The following ANKRD36 variants were observed in gnomAD, a reference collection of about 807,000 sequenced individuals.
ANKRD36 encodes the protein ankyrin repeat domain-containing protein 36A.
In ANKRD36, 179 loss-of-function variants were observed where a neutral mutation model predicts 278.1. That is an observed-to-expected ratio of 0.64 (90% CI 0.57 to 0.73). ANKRD36 has a LOEUF of 0.73. Among genes scored for constraint, ANKRD36 ranks in the 30% least tolerant of loss-of-function variants. The probability of loss-of-function intolerance (pLI) is 0.00; values close to 1 mark genes in which losing one functional copy is unlikely to be tolerated. For missense variants in ANKRD36, 1,159 were observed against 1,956.7 expected, an observed-to-expected ratio of 0.59 and a Z score of 7.69; for synonymous variants, 320 against 641.1, an observed-to-expected ratio of 0.50 and a Z score of 7.57.
In ANKRD36 at chr2:97,244,006, A is replaced by G; in HGVS notation, c.4468A>G (p.Thr1490Ala). ...ALKSAEVELK[T>A]GGNNSNQVSE... is the part of the protein sequence containing the mutation. ...CAAATCAGCAGAGGTGGAATTGAAG[A>G]CAGGAGGAAATAATTCAAATCAGGT... Residue 1490 changes from threonine (T) to alanine (A), a missense_variant, in exon 70 of 76, where the codon ACA (threonine) becomes GCA (alanine). Thr to Ala is a moderately conservative substitution (Grantham distance 58). Coordinates refer to ENST00000420699, the MANE Select transcript of ANKRD36 (RefSeq NM_001354587.1). 6.3e-7 allele frequency: 1 copy of G among 1,593,590 alleles called. No individual in the cohort carries two copies. The highest frequency in any genetic ancestry group is 8.5e-7 in the Non-Finnish European group (1 of 1,171,616).
At chr2:97,153,645 T>C (rs2046693289) in intron 14 of ANKRD36, among the ~76,000 whole-genome samples, 1 of 146,530 alleles carries the variant, frequency 6.8e-6, no homozygotes, top group Admixed American at 6.8e-5. Context: ...ATTCTGTCAT[T>C]GAGTGATTTT....
At chr2:97,207,739 A>G in intron 52 of ANKRD36, 72 bp from the exon 53 acceptor site, 2 of 1,540,228 alleles carry the variant, frequency 1.3e-6, no homozygotes, top group Middle Eastern at 2.3e-4. Context: ...GTTGATGCTA[A>G]CACTGTATGA....
chr2:97,117,247 TA>T (rs1307521646), intron 1 of ANKRD36, among the ~76,000 whole-genome samples: 2 of 152,010 alleles, frequency 1.3e-5, no homozygotes, highest in African/African-American at 4.8e-5. Flanking sequence ...TTCTTTGGAT[TA>T]TTTTTTTTTT....
chr2:97,145,082 AG>A (rs2043921722), intron 10 of ANKRD36, among the ~76,000 whole-genome samples: 1 of 152,022 alleles, frequency 6.6e-6, no homozygotes, highest in Non-Finnish European at 1.5e-5. Context: ...CTAAAACCAG[AG>A]GGAAGAAATG....
At chr2:97,199,594 A>C (rs909949506) in intron 44 of ANKRD36, among the ~76,000 whole-genome samples, 1 of 151,938 alleles carries the variant, frequency 6.6e-6, no homozygotes, top group Non-Finnish European at 1.5e-5. Context: ...TAATGCTTGT[A>C]GCCATTTTAC....
At chr2:97,180,849 A>G (rs1389423262) in intron 24 of ANKRD36, among the ~76,000 whole-genome samples, 1 of 151,710 alleles carries the variant, frequency 6.6e-6, no homozygotes, top group Non-Finnish European at 1.5e-5. Context: ...TTCTGAATGT[A>G]AAACTTATTA....
At chr2:97,188,991 G>T in intron 32 of ANKRD36, 96 bp from the exon 33 acceptor site, 2 of 623,032 alleles carry the variant, frequency 3.2e-6, no homozygotes, top group East Asian at 5.3e-5. Flanking sequence ...ACTAGTACAG[G>T]CAGAAGGATA....
chr2:97,187,364 A>G lies in ANKRD36; in HGVS notation c.2106A>G (p.Ile702Met). Residue 702 changes from isoleucine (I) to methionine (M), a missense_variant, in exon 32 of 76, where the codon ATA becomes ATG. Coordinates refer to ENST00000420699, the MANE Select transcript of ANKRD36 (RefSeq NM_001354587.1). The part of the protein sequence containing the change: ...TTDEEDSVSN[I>M]ATEIKDGEKS... ...ACGAGGAAGACTCTGTTTCGAATAT[A>G]GCCACAGAAATAAAGGATGGAGAAA... 3 of 1,609,028 alleles carry G rather than the reference A, an allele frequency of 1.9e-6. No individual in the cohort carries two copies. Among genetic ancestry groups the G allele is most frequent in the South Asian group, 2.2e-5 (2 of 90,366 alleles).
chr2:97,198,581 T>A lies in ANKRD36; in HGVS notation c.2683-5T>A. 2 of 1,549,402 alleles carry A rather than the reference T, an allele frequency of 1.3e-6. No homozygotes were observed. The highest frequency in any genetic ancestry group is 1.7e-6 in the Non-Finnish European group (2 of 1,146,570). On this transcript the variant is annotated splice_polypyrimidine_tract_variant and splice_region_variant and intron_variant, in intron 43 of 75. Coordinates refer to ENST00000420699, the MANE Select transcript of ANKRD36 (RefSeq NM_001354587.1). ...ATTTATTATTTCATTTCAAATTCCA[T>A]TCAGGCTTCAAGTGCCGAGAAAGAT...
intron 8 of ANKRD36, among the ~76,000 whole-genome samples, chr2:97,143,232 C>T (rs547431397): frequency 6.6e-6 from 1 of 151,798 alleles, no homozygotes; most frequent in South Asian, 2.1e-4. Context: ...AAACCATAAA[C>T]AATGTAGAAA....
intron 20 of ANKRD36, among the ~76,000 whole-genome samples, chr2:97,166,198 T>C (rs1352975274): frequency 1.3e-5 from 2 of 152,138 alleles, no homozygotes; most frequent in Admixed American, 6.6e-5. Flanking sequence ...GAAGAAAATA[T>C]GTAACATAGT....
intron 4 of ANKRD36, 142 bp downstream of exon 4, chr2:97,123,135 A>T: frequency 1.5e-6 from 1 of 679,464 alleles, no homozygotes; most frequent in Non-Finnish European, 2.3e-6. Flanking sequence ...AACACAGATC[A>T]TCACTTAGGT....
intron 52 of ANKRD36, among the ~76,000 whole-genome samples, chr2:97,206,528 C>T (rs977166536): frequency 3.3e-5 from 5 of 151,316 alleles, no homozygotes; most frequent in African/African-American, 7.3e-5. Flanking sequence ...TGTAATAACC[C>T]GTACACTCTG....
intron 50 of ANKRD36, 65 bp from the exon 51 acceptor site, chr2:97,205,875 T>G: frequency 2.7e-6 from 4 of 1,496,428 alleles, no homozygotes; most frequent in Non-Finnish European, 3.6e-6. Flanking sequence ...CTAACTCTGC[T>G]TGAATGTATG....
At chr2:97,217,112 A>G (rs1437512611) in intron 62 of ANKRD36, 65 bp from the exon 63 acceptor site, 2 of 1,541,278 alleles carry the variant, frequency 1.3e-6, no homozygotes, top group Non-Finnish European at 1.8e-6. Flanking sequence ...CTAACACTGC[A>G]TGAATGTATG....
chr2:97,209,789 A>G lies in ANKRD36; in HGVS notation c.3295-11A>G. ...TACCTTACTTATTATTTCATTTCAA[A>G]TTCCATTCAGGCTACAAGTGACGAG... On this transcript the variant is annotated splice_polypyrimidine_tract_variant and intron_variant, in intron 55 of 75. Coordinates refer to ENST00000420699, the MANE Select transcript of ANKRD36 (RefSeq NM_001354587.1). 1 of 1,600,092 alleles carries G rather than the reference A, an allele frequency of 6.2e-7. No homozygotes were observed. The highest frequency in any genetic ancestry group is 8.5e-7 in the Non-Finnish European group (1 of 1,175,584).
chr2:97,227,870 CTT>C (rs1319146942), intron 67 of ANKRD36, among the ~76,000 whole-genome samples: 1 of 152,100 alleles, frequency 6.6e-6, no homozygotes, highest in Non-Finnish European at 1.5e-5. Context: ...TGTCAAAGGC[CTT>C]TTCTGCATCT....
chr2:97,263,288 G>A (rs1284908473), intron 75 of ANKRD36, among the ~76,000 whole-genome samples: 6 of 125,472 alleles, frequency 4.8e-5, no homozygotes, highest in Non-Finnish European at 4.7e-5. Flanking sequence ...AATGAATGAA[G>A]TTTCCTCTTG....
At chr2:97,165,858 A>G (rs144873138) in intron 20 of ANKRD36, among the ~76,000 whole-genome samples, 23 of 145,910 alleles carry the variant, frequency 1.6e-4, no homozygotes, top group South Asian at 1.1e-3. Context: ...TGAATCTGGT[A>G]AGGATCTAGC....
Sources: gnomAD v4.1 joint callset for allele counts (sites outside exome capture counted in the v4.1 genomes callset) on GRCh38, gnomAD v4.1.1 for gene constraint, MANE v1.5 for transcripts, NCBI Gene and HGNC (gene_info 2026-07-23, HGNC 2026-07-21) for gene names.